KHDRBS2: variants seen among roughly 807,000 people sequenced by gnomAD.
KHDRBS2 encodes KH domain-containing, RNA-binding, signal transduction-associated protein 2.
Under a neutral mutation model 44.3 loss-of-function variants are expected in KHDRBS2, and 26 were observed. That is an observed-to-expected ratio of 0.59 (90% CI 0.43 to 0.81). The LOEUF is 0.81. Ranked by LOEUF, KHDRBS2 falls within the 40% of genes least tolerant of loss-of-function variation. The probability of loss-of-function intolerance (pLI) is 0.00; values close to 1 mark genes in which losing one functional copy is unlikely to be tolerated. For synonymous variants in KHDRBS2, 194 were observed against 151.1 expected (o/e 1.28, Z -2.08); for missense variants, 476 against 433.1 (o/e 1.10, Z -0.88).
intron 2 of KHDRBS2, among the ~76,000 whole-genome samples, chr6:62,165,571 C>T (rs1446981058): frequency 6.6e-6 from 1 of 151,718 alleles, no homozygotes; most frequent in Non-Finnish European, 1.5e-5. Context: ...AAATGAACTA[C>T]ATTTGAGTGT....
At chr6:61,694,166 A>G (rs548345176) in intron 8 of KHDRBS2, among the ~76,000 whole-genome samples, 2 of 152,182 alleles carry the variant, frequency 1.3e-5, no homozygotes, top group African/African-American at 4.8e-5. Context: ...CTACTTACAA[A>G]TAATAATATG....
chr6:62,175,430 C>T (rs1349767036), intron 2 of KHDRBS2, among the ~76,000 whole-genome samples: 1 of 151,400 alleles, frequency 6.6e-6, no homozygotes, highest in Non-Finnish European at 1.5e-5. Flanking sequence ...CATGATCAGT[C>T]AAGTTAAAAA....
intron 6 of KHDRBS2, among the ~76,000 whole-genome samples, chr6:61,893,631 C>T (rs1265075861): frequency 3.3e-5 from 5 of 152,108 alleles, no homozygotes; most frequent in Non-Finnish European, 5.9e-5. Context: ...CCATCATTCT[C>T]AGCAAACTAT....
chr6:61,636,178 T>C, the KHDRBS2 span, among the ~76,000 whole-genome samples: 2 of 152,066 alleles, frequency 1.3e-5, no homozygotes, highest in East Asian at 1.9e-4. Context: ...ATTTTGAAAA[T>C]GATGCTTTAT....
chr6:62,186,236 G>GCTTA (rs1823388576), intron 1 of KHDRBS2, among the ~76,000 whole-genome samples: 1 of 151,968 alleles, frequency 6.6e-6, no homozygotes, highest in Admixed American at 6.6e-5. Context: ...GCATCACATT[G>GCTTA]CTTAGTTTAA....
intron 2 of KHDRBS2, among the ~76,000 whole-genome samples, chr6:62,080,819 G>A (rs1797246871): frequency 6.6e-6 from 1 of 151,988 alleles, no homozygotes; most frequent in Admixed American, 6.6e-5. Flanking sequence ...AGAGTAACTG[G>A]AGTGCTTATA....
chr6:61,897,140 T>C (rs1803067929), intron 5 of KHDRBS2, among the ~76,000 whole-genome samples: 1 of 152,182 alleles, frequency 6.6e-6, no homozygotes, highest in South Asian at 2.1e-4. Context: ...ATCAGAAGTT[T>C]CTTAACTTGC....
At chr6:62,106,572 A>C (rs1358987728) in intron 2 of KHDRBS2, among the ~76,000 whole-genome samples, 2 of 152,162 alleles carry the variant, frequency 1.3e-5, no homozygotes, top group Non-Finnish European at 2.9e-5. Context: ...TATTCCATTC[A>C]ATAGAAAAAG....
In KHDRBS2 at chr6:61,829,553, TA is replaced by T. The variant is rs796667949; in HGVS notation, c.810+65081del. On this transcript the variant is annotated intron_variant, in intron 6 of 8. Transcript: ENST00000281156. The stretch of plus-strand genomic sequence containing the variant: ...AGATTAGCCCAAGAAGCTTAGATGG[TA>T]AAAAAAAAACCTAGTAAAAGATAAT... Among the ~76,000 whole-genome samples, 785 of 147,846 alleles carry T rather than the reference TA, an allele frequency of 5.3e-3. 12 individuals carry two copies. The highest frequency in any genetic ancestry group is 0.024 in the East Asian group (123 of 5,074).
intron 6 of KHDRBS2, among the ~76,000 whole-genome samples, chr6:61,879,195 A>G (rs963884497): frequency 6.6e-6 from 1 of 152,002 alleles, no homozygotes; most frequent in African/African-American, 2.4e-5. Context: ...AGGCTAATAA[A>G]AAACCTTACA....
chr6:62,106,903 T>A (rs1803514634), intron 2 of KHDRBS2, among the ~76,000 whole-genome samples: 1 of 151,832 alleles, frequency 6.6e-6, no homozygotes, highest in Admixed American at 6.6e-5. Context: ...CACTTCATGC[T>A]AAAAACTCTC....
chr6:62,205,819 G>A (rs1032991559), intron 1 of KHDRBS2, among the ~76,000 whole-genome samples: 4 of 152,106 alleles, frequency 2.6e-5, no homozygotes, highest in Non-Finnish European at 4.4e-5. Flanking sequence ...TGTCTATCAT[G>A]GATTACTGAA....
At chr6:61,911,349 G>C (rs957724415) in intron 4 of KHDRBS2, among the ~76,000 whole-genome samples, 1 of 152,128 alleles carries the variant, frequency 6.6e-6, no homozygotes, top group Non-Finnish European at 1.5e-5. Flanking sequence ...AGGTTCTGGG[G>C]AGACAGTGGA....
the KHDRBS2 span, among the ~76,000 whole-genome samples, chr6:61,553,038 C>A: frequency 6.6e-6 from 1 of 152,120 alleles, no homozygotes; most frequent in East Asian, 1.9e-4. Flanking sequence ...AGGGAGGACT[C>A]CCTCTCCTCA....
chr6:61,634,841 T>G, the KHDRBS2 span, among the ~76,000 whole-genome samples: 1 of 152,072 alleles, frequency 6.6e-6, no homozygotes, highest in Non-Finnish European at 1.5e-5. Context: ...TGTGGATACT[T>G]AAAAATTGCT....
chr6:62,005,356 GTCA>G (rs1584102157), intron 3 of KHDRBS2, among the ~76,000 whole-genome samples: 1 of 151,700 alleles, frequency 6.6e-6, no homozygotes, highest in African/African-American at 2.4e-5. Context: ...TTCTATTCCT[GTCA>G]TCATTATTTT....
rs1192979919 is a variant in KHDRBS2 at position 62,028,373 on chromosome 6, A to C, written c.336+19505T>G. 3.9e-5 allele frequency among the ~76,000 whole-genome samples: 6 copies of C among 152,134 alleles called. 1 individual carries two copies. Among genetic ancestry groups the C allele is most frequent in the Admixed American group, 6.6e-5 (1 of 15,244 alleles). On this transcript the variant is annotated intron_variant, in intron 3 of 8. Coordinates refer to ENST00000281156, the MANE Select transcript of KHDRBS2 (RefSeq NM_152688.4). The stretch of plus-strand genomic sequence containing the variant: ...AGATTCCTATTAATTCTTTTTGTTC[A>C]GTGTGTTTTGATGAAAATACTTGAG...
intron 6 of KHDRBS2, among the ~76,000 whole-genome samples, chr6:61,877,975 A>C (rs527503960): frequency 6.6e-6 from 1 of 152,020 alleles, no homozygotes; most frequent in Non-Finnish European, 1.5e-5. Flanking sequence ...AAATATGATA[A>C]AATTAATATT....
intron 2 of KHDRBS2, among the ~76,000 whole-genome samples, chr6:62,071,100 C>T (rs1156912988): frequency 6.6e-6 from 1 of 152,172 alleles, no homozygotes; most frequent in Non-Finnish European, 1.5e-5. Flanking sequence ...TGATGATGAG[C>T]ATTTTTTTCA....
Sources: allele counts gnomAD v4.1 joint callset (sites outside exome capture counted in the v4.1 genomes callset), GRCh38; gene constraint gnomAD v4.1.1; transcripts MANE v1.5; gene names NCBI Gene and HGNC (gene_info 2026-07-23, HGNC 2026-07-21).